The following ARHGEF4 variants were observed in gnomAD, a reference collection of about 807,000 sequenced individuals.
ARHGEF4 encodes the protein APC-stimulated guanine nucleotide exchange factor 1.
In ARHGEF4, 119 loss-of-function variants were observed where a neutral mutation model predicts 162.0. The observed-to-expected ratio is 0.73, with a 90% CI of 0.63 to 0.86. The LOEUF is 0.86. Among genes scored for constraint, ARHGEF4 ranks in the 40% least tolerant of loss-of-function variants. The probability of loss-of-function intolerance (pLI) is 0.00; values close to 1 mark genes in which losing one functional copy is unlikely to be tolerated. For synonymous variants in ARHGEF4, 1,014 were observed against 979.9 expected, an observed-to-expected ratio of 1.03 and a Z score of -0.65; for missense variants, 2,488 against 2,456.0, an observed-to-expected ratio of 1.01 and a Z score of -0.28.
chr2:131,038,776 G>A lies in ARHGEF4; in HGVS notation c.4126-77G>A, dbSNP rs528035197. ...AGGATCCCCTCTTCCCAGGGCTGCT[G>A]AGGGAGTGGAGACAGAGAGCAGGGA... is the stretch of plus-strand genomic sequence containing the variant. On this transcript the variant is annotated intron_variant, in intron 5 of 13. Coordinates refer to ENST00000409359, the MANE Select transcript of ARHGEF4 (RefSeq NM_001367493.1). The A allele has an allele frequency of 5.4e-6, 8 of 1,479,678 alleles. No individual in the cohort carries two copies. In the African/African-American group the frequency reaches 9.8e-5, roughly 18 times the overall value. The allele number at this position is 1,479,678 out of a possible 1,614,324, so 91.7% of individuals were successfully genotyped here.
At chr2:131,020,109 A>G (rs1689015533) in intron 4 of ARHGEF4, among the ~76,000 whole-genome samples, 2 of 152,232 alleles carry the variant, frequency 1.3e-5, no homozygotes, top group Admixed American at 1.3e-4. Context: ...AAGGTATGCT[A>G]CATGTAAGAA....
intron 1 of ARHGEF4, among the ~76,000 whole-genome samples, chr2:130,882,406 C>G (rs1354515876): frequency 6.6e-6 from 1 of 152,044 alleles, no homozygotes; most frequent in Non-Finnish European, 1.5e-5. Flanking sequence ...GGAGGGCTCC[C>G]TTCCAGGTTG....
chr2:130,917,794 A>G (rs1002424700), intron 2 of ARHGEF4, among the ~76,000 whole-genome samples: 3 of 149,410 alleles, frequency 2.0e-5, no homozygotes, highest in Admixed American at 2.0e-4. Flanking sequence ...GGCACTGCCC[A>G]TTTTCTTTTC....
intron 3 of ARHGEF4, among the ~76,000 whole-genome samples, chr2:130,939,717 G>A (rs1231935347): frequency 2.0e-5 from 3 of 152,120 alleles, no homozygotes; most frequent in Admixed American, 1.3e-4. Flanking sequence ...CCCAACACAA[G>A]AATACAGGTA....
At chr2:130,897,616 C>T (rs1490107194) in intron 1 of ARHGEF4, among the ~76,000 whole-genome samples, 2 of 152,148 alleles carry the variant, frequency 1.3e-5, no homozygotes, top group Non-Finnish European at 1.5e-5. Context: ...GGAAAGGATC[C>T]GGTATTTGTT....
rs191714335 is a variant in ARHGEF4, at chr2:131,022,641, A to G, written c.3986-5304A>G. On this transcript the variant is annotated intron_variant, in intron 4 of 13. Transcript: ENST00000409359. ...GGTGATGAAAATGAACCTTGACTTA[A>G]GCTTCACACATTATACAAAAAAAAA... Among the ~76,000 whole-genome samples, 30 of 122,624 alleles carry G rather than the reference A, an allele frequency of 2.4e-4. No individual in the cohort carries two copies. The East Asian group carries it at 6.9e-3, about 28-fold the overall frequency. 80.4% of individuals were successfully genotyped at this position (122,624 alleles called of 152,430 possible).
chr2:130,965,161 A>G (rs1387116746), intron 4 of ARHGEF4, among the ~76,000 whole-genome samples: 2 of 152,158 alleles, frequency 1.3e-5, no homozygotes, highest in African/African-American at 4.8e-5. Context: ...TAGGTGTGGA[A>G]TGAGACTCAG....
chr2:131,040,150 C>T lies in ARHGEF4; in HGVS notation c.4440C>T (p.Ser1480=), dbSNP rs1427451825. Residue 1480 remains serine, a synonymous_variant, in exon 7 of 14, where the codon AGC becomes AGT. Coordinates refer to ENST00000409359, the MANE Select transcript of ARHGEF4 (RefSeq NM_001367493.1). ...MRTNVINEIL[S]TERDYIKHLR... is the part of the protein sequence containing the mutation. ...CCAACGTCATCAACGAGATCCTCAG[C>T]ACTGAGCGGGACTACATCAAGCACC... 1.1e-5 allele frequency: 17 copies of T among 1,613,214 alleles called. No homozygotes were observed. Among genetic ancestry groups the T allele is most frequent in the Non-Finnish European group, 1.4e-5 (17 of 1,179,752 alleles).
rs1681506560 is a variant in ARHGEF4, at chr2:130,916,481, A to T, written c.2535A>T (p.Ala845=). 1 of 1,545,838 alleles carries T rather than the reference A, an allele frequency of 6.5e-7. No individual in the cohort carries two copies. The highest frequency in any genetic ancestry group is 1.4e-5 in the African/African-American group (1 of 72,920). ...ENPPAAAGRD[A]PPLHHGDASA... ...CGCCCGCTGCGGCCGGTCGGGACGC[A>T]CCGCCTCTGCACCACGGGGACGCCA... Residue 845 remains alanine (A), a synonymous_variant, in exon 2 of 14, where the codon GCA becomes GCT. Coordinates refer to ENST00000409359, the MANE Select transcript of ARHGEF4 (RefSeq NM_001367493.1).
chr2:130,841,194 A>G (rs1574076260), intron 1 of ARHGEF4, among the ~76,000 whole-genome samples: 2 of 151,868 alleles, frequency 1.3e-5, no homozygotes, highest in East Asian at 3.9e-4. Flanking sequence ...CCTCCCAACT[A>G]GGTGGGATTA....
chr2:131,045,433 A>G lies in ARHGEF4; in HGVS notation c.5466A>G (p.Thr1822=), dbSNP rs756944270. The G allele has an allele frequency of 8.1e-6, 13 of 1,613,498 alleles. No individual in the cohort carries two copies. In the East Asian group the frequency reaches 2.0e-4, roughly 25 times the overall value. ...TGAATGCCAGCAAGCAGCAGGTCAC[A>G]GGGAAGCCCAAAGGTAGGCGGACAG... is the stretch of plus-strand genomic sequence containing the variant. ...AMLNASKQQV[T]GKPKAVGRPC... The change falls in exon 13 of 14, where the codon ACA becomes ACG. Residue 1822 remains threonine (T), a synonymous_variant. Transcript: ENST00000409359.
intron 1 of ARHGEF4, among the ~76,000 whole-genome samples, chr2:130,892,809 C>T (rs566275532): frequency 1.8e-3 from 280 of 152,288 alleles, no homozygotes; most frequent in Non-Finnish European, 3.1e-3. Flanking sequence ...CTCTTGGTGG[C>T]TATGCAGGGT....
At chr2:131,037,479 C>T (rs936098898) in intron 5 of ARHGEF4, among the ~76,000 whole-genome samples, 10 of 152,338 alleles carry the variant, frequency 6.6e-5, no homozygotes, top group Admixed American at 5.2e-4. Context: ...AAGGAGGGCT[C>T]CTGGGATGGG....
chr2:130,937,443 T>C (rs1683025816), intron 3 of ARHGEF4, among the ~76,000 whole-genome samples: 1 of 152,198 alleles, frequency 6.6e-6, no homozygotes, highest in Admixed American at 6.5e-5. Flanking sequence ...CCAGAACTTT[T>C]ACCTGTTTTT....
intron 4 of ARHGEF4, among the ~76,000 whole-genome samples, chr2:131,020,565 C>G (rs1280332849): frequency 6.6e-5 from 10 of 152,182 alleles, no homozygotes; most frequent in Admixed American, 5.2e-4. Context: ...TGTATATGTG[C>G]CACATTTTCT....
intron 2 of ARHGEF4, among the ~76,000 whole-genome samples, chr2:130,920,463 A>G (rs1022699338): frequency 5.3e-5 from 8 of 152,210 alleles, no homozygotes; most frequent in Non-Finnish European, 1.0e-4. Context: ...GAGAAGAGGA[A>G]GGCCTAGTAC....
At chr2:130,873,545 C>A (rs1473624425) in intron 1 of ARHGEF4, among the ~76,000 whole-genome samples, 2 of 151,170 alleles carry the variant, frequency 1.3e-5, no homozygotes, top group East Asian at 3.9e-4. Flanking sequence ...CGAGACTGCG[C>A]CATTGCACTC....
intron 4 of ARHGEF4, among the ~76,000 whole-genome samples, chr2:130,953,465 C>T (rs1684079166): frequency 6.6e-6 from 1 of 152,162 alleles, no homozygotes; most frequent in Non-Finnish European, 1.5e-5. Flanking sequence ...AGAAGAAAAC[C>T]TAAGCAATAC....
intron 3 of ARHGEF4, among the ~76,000 whole-genome samples, chr2:130,931,498 C>T (rs758407209): frequency 6.6e-6 from 1 of 152,216 alleles, no homozygotes; most frequent in Non-Finnish European, 1.5e-5. Flanking sequence ...CCTCTTCCTT[C>T]TCTGTAGTAT....
Sources: allele counts gnomAD v4.1 joint callset (sites outside exome capture counted in the v4.1 genomes callset), GRCh38; gene constraint gnomAD v4.1.1; transcripts MANE v1.5; gene names NCBI Gene and HGNC (gene_info 2026-07-23, HGNC 2026-07-21).